The following KDM2A variants were observed in gnomAD, a reference collection of about 807,000 sequenced individuals.
The protein encoded by KDM2A is lysine demethylase 2A, also known as lysine-specific demethylase 2A.
Under a neutral mutation model 137.3 loss-of-function variants are expected in KDM2A, and 3 were observed. The ratio of observed to expected loss-of-function variants is 0.02; its 90% CI spans 0.01 to 0.06. KDM2A has a LOEUF of 0.06. KDM2A is among the 10% of genes least tolerant of loss of function. The pLI is 1.00. For missense variants in KDM2A, 738 were observed against 1,510.6 expected, an observed-to-expected ratio of 0.49 and a Z score of 8.48; for synonymous variants, 512 against 541.5, an observed-to-expected ratio of 0.95 and a Z score of 0.76.
intron 8 of KDM2A, 88 bp downstream of exon 8, chr11:67,216,037 A>G: frequency 1.0e-6 from 1 of 958,540 alleles, no homozygotes; most frequent in Non-Finnish European, 1.7e-6. Flanking sequence ...TACCCTGGAA[A>G]TGAATCTGTT....
At chr11:67,143,819 G>T (rs1417583261) in intron 2 of KDM2A, among the ~76,000 whole-genome samples, 3 of 151,814 alleles carry the variant, frequency 2.0e-5, no homozygotes, top group Admixed American at 6.6e-5. Context: ...TTTTAGTACA[G>T]ACAGGGTTTT....
chr11:67,180,135 A>G lies in KDM2A; in HGVS notation c.99A>G (p.Glu33=). The G allele has an allele frequency of 6.2e-7, 1 of 1,613,914 alleles. No individual in the cohort carries two copies. Among genetic ancestry groups the G allele is most frequent in the Non-Finnish European group, 8.5e-7 (1 of 1,179,834 alleles). ...ATGGCATTTCAGATGATGAAATTGA[A>G]GGAAAAAGAACTTTTGACTTGGAAG... ...EDDGISDDEI[E]GKRTFDLEEK... is the part of the protein sequence containing the mutation. The change falls in exon 3 of 21, where the codon GAA becomes GAG. Residue 33 remains glutamate (E), a synonymous_variant. Coordinates refer to ENST00000529006, the MANE Select transcript of KDM2A (RefSeq NM_012308.3).
intron 5 of KDM2A, among the ~76,000 whole-genome samples, chr11:67,193,633 G>A (rs1857408604): frequency 6.6e-6 from 1 of 152,172 alleles, no homozygotes; most frequent in South Asian, 2.1e-4. Flanking sequence ...GGCTGAGGCA[G>A]ACAGATCACC....
chr11:67,195,087 T>C (rs1857444686), intron 5 of KDM2A, among the ~76,000 whole-genome samples: 1 of 152,112 alleles, frequency 6.6e-6, no homozygotes, highest in Admixed American at 6.6e-5. Flanking sequence ...CTAAAGACAT[T>C]TGCAGCTCAT....
At chr11:67,192,433 CTTTTTTTTTTTT>C (rs921321640) in intron 5 of KDM2A, among the ~76,000 whole-genome samples, 2 of 70,558 alleles carry the variant, frequency 2.8e-5, no homozygotes, top group East Asian at 4.3e-4. Flanking sequence ...GTTTCCATTT[CTTTTTTTTTTTT>C]TTTTTTTTTT....
chr11:67,196,209 C>T (rs1286943741), intron 5 of KDM2A: 10 of 453,100 alleles, frequency 2.2e-5, no homozygotes, highest in Admixed American at 1.4e-4. Flanking sequence ...CCATGGTGCA[C>T]GAGCAGGGGC....
chr11:67,169,685 GTTTCTTTTTTCTTTCTTT>G (rs1856831674), intron 2 of KDM2A, among the ~76,000 whole-genome samples: 1 of 144,680 alleles, frequency 6.9e-6, no homozygotes, highest in African/African-American at 2.5e-5. Flanking sequence ...CCATCACTTG[GTTTCTTTTTTCTTTCTTT>G]TTTCTTTTTT....
chr11:67,223,253 C>T (rs144086900), intron 10 of KDM2A, among the ~76,000 whole-genome samples: 3 of 151,168 alleles, frequency 2.0e-5, no homozygotes, highest in Admixed American at 6.6e-5. Flanking sequence ...AATTGATATG[C>T]GGCATAAGTA....
intron 12 of KDM2A, among the ~76,000 whole-genome samples, chr11:67,239,604 C>G (rs1050349321): frequency 1.3e-5 from 2 of 152,100 alleles, no homozygotes; most frequent in Non-Finnish European, 2.9e-5. Context: ...TCCAGAGAGG[C>G]GGAACTTTGG....
At chr11:67,194,573 A>G (rs1857435244) in intron 5 of KDM2A, among the ~76,000 whole-genome samples, 1 of 152,226 alleles carries the variant, frequency 6.6e-6, no homozygotes, top group East Asian at 1.9e-4. Context: ...CACAAAAGCA[A>G]TGTGGCATAA....
intron 8 of KDM2A, among the ~76,000 whole-genome samples, chr11:67,217,015 G>A (rs1274108148): frequency 6.6e-6 from 1 of 152,112 alleles, no homozygotes; most frequent in Non-Finnish European, 1.5e-5. Context: ...AGGCCAAGGT[G>A]GGTGGATCAT....
chr11:67,126,987 C>T (rs1470128886), intron 2 of KDM2A, among the ~76,000 whole-genome samples: 4 of 152,042 alleles, frequency 2.6e-5, no homozygotes, highest in African/African-American at 4.8e-5. Flanking sequence ...AGAACAAAGC[C>T]AGAACTCTGA....
chr11:67,168,640 C>T (rs1322861186), intron 2 of KDM2A, among the ~76,000 whole-genome samples: 1 of 142,332 alleles, frequency 7.0e-6, no homozygotes, highest in East Asian at 2.0e-4. Context: ...CACACACACA[C>T]ACACACACAC....
rs1859512002 is a variant in KDM2A, at chr11:67,253,716, A to C, written c.3091+105A>C. The C allele has an allele frequency of 3.4e-6, 4 of 1,179,706 alleles. No homozygotes were observed. In the South Asian group the frequency reaches 5.7e-5, roughly 17 times the overall value. The allele number at this position is 1,179,706 out of a possible 1,614,324, so 73.1% of individuals were successfully genotyped here. ...GGTAGTCTCAGATATGACGCTGTGG[A>C]AGAATAGAAGAGCACAAAATGAAAA... On this transcript the variant is annotated intron_variant, in intron 19 of 20. Transcript: ENST00000529006.
At chr11:67,201,620 T>C (rs1362247593) in intron 5 of KDM2A, among the ~76,000 whole-genome samples, 1 of 151,458 alleles carries the variant, frequency 6.6e-6, no homozygotes, top group African/African-American at 2.4e-5. Context: ...ATACAAAAAT[T>C]AGCCGAGTGT....
intron 5 of KDM2A, among the ~76,000 whole-genome samples, chr11:67,185,280 A>T (rs1391855763): frequency 6.6e-6 from 1 of 152,220 alleles, no homozygotes; most frequent in Non-Finnish European, 1.5e-5. Context: ...GAGATTATTA[A>T]GTCTAAGGAA....
intron 2 of KDM2A, among the ~76,000 whole-genome samples, chr11:67,136,386 T>C (rs1397256280): frequency 6.6e-6 from 1 of 152,202 alleles, no homozygotes; most frequent in African/African-American, 2.4e-5. Context: ...GGGACACAGT[T>C]TATAAATGTT....
chr11:67,149,121 G>A (rs1856323568), intron 2 of KDM2A: 1 of 152,096 alleles, frequency 6.6e-6, no homozygotes, highest in African/African-American at 2.4e-5. Context: ...AAGTTAAAAA[G>A]TGTTTTCTCT....
chr11:67,134,523 T>A (rs1254353871), intron 2 of KDM2A, among the ~76,000 whole-genome samples: 3 of 152,222 alleles, frequency 2.0e-5, no homozygotes, highest in Non-Finnish European at 1.5e-5. Flanking sequence ...TTTACTTTTT[T>A]TTTGAGACAG....
Sources: gnomAD v4.1 joint callset for allele counts (sites outside exome capture counted in the v4.1 genomes callset) on GRCh38, gnomAD v4.1.1 for gene constraint, MANE v1.5 for transcripts, NCBI Gene and HGNC (gene_info 2026-07-23, HGNC 2026-07-21) for gene names.